The following ATP8A2 variants were observed in gnomAD, a reference collection of about 807,000 sequenced individuals.
ATP8A2 encodes the protein phospholipid-transporting ATPase IB.
Under a neutral mutation model 165.6 loss-of-function variants are expected in ATP8A2, and 100 were observed. That is an observed-to-expected ratio of 0.60 (90% CI 0.51 to 0.71). ATP8A2 has a LOEUF of 0.71. ATP8A2 is among the 30% of genes least tolerant of loss of function. ATP8A2 has a pLI of 0.00. For synonymous variants in ATP8A2, 543 were observed against 548.8 expected (o/e 0.99, Z 0.15); for missense variants, 1,227 against 1,479.5 (o/e 0.83, Z 2.80).
chr13:25,823,029 A>G (rs1334560307), intron 27 of ATP8A2, among the ~76,000 whole-genome samples: 1 of 152,218 alleles, frequency 6.6e-6, no homozygotes, highest in African/African-American at 2.4e-5. Context: ...ATAATTGCTG[A>G]TATTTAGGTG....
intron 35 of ATP8A2, among the ~76,000 whole-genome samples, chr13:25,999,284 A>T (rs911081951): frequency 3.9e-5 from 6 of 152,164 alleles, no homozygotes; most frequent in African/African-American, 1.4e-4. Context: ...CACTAGGCAC[A>T]GTGCTGCTTC....
At chr13:25,708,919 G>A (rs1330003198) in intron 25 of ATP8A2, among the ~76,000 whole-genome samples, 1 of 152,240 alleles carries the variant, frequency 6.6e-6, no homozygotes, top group Non-Finnish European at 1.5e-5. Flanking sequence ...TGAGTTTTAT[G>A]ATTGGTGATG....
intron 35 of ATP8A2, among the ~76,000 whole-genome samples, chr13:26,002,200 T>C (rs1293706838): frequency 6.6e-6 from 1 of 152,212 alleles, no homozygotes; most frequent in Non-Finnish European, 1.5e-5. Context: ...TATTATTGAC[T>C]ATAGTTACCC....
In ATP8A2 at chr13:25,444,944, A is replaced by G. The variant is rs534286232; in HGVS notation, c.77-24033A>G. 6.6e-5 allele frequency among the ~76,000 whole-genome samples: 10 copies of G among 152,272 alleles called. No individual in the cohort carries two copies. In the South Asian group the frequency reaches 1.9e-3, roughly 28 times the overall value. On this transcript the variant is annotated intron_variant, in intron 1 of 36. Transcript: ENST00000381655. ...TGAGCCACCACACCCGGCCCCGAGC[A>G]TCTTTTCATGTGTTTATTGGCCATT...
At chr13:25,849,735 C>G (rs1951960732) in intron 30 of ATP8A2, among the ~76,000 whole-genome samples, 2 of 152,158 alleles carry the variant, frequency 1.3e-5, no homozygotes, top group South Asian at 4.1e-4. Context: ...TCCTGAACCC[C>G]AACCAGATTT....
At chr13:25,488,532 G>A (rs539946156) in intron 2 of ATP8A2, among the ~76,000 whole-genome samples, 1 of 152,250 alleles carries the variant, frequency 6.6e-6, no homozygotes, top group South Asian at 2.1e-4. Flanking sequence ...CTTGAGCTCA[G>A]GAGTTTGAGA....
At chr13:25,623,490 T>G (rs942367695) in intron 24 of ATP8A2, among the ~76,000 whole-genome samples, 1 of 152,174 alleles carries the variant, frequency 6.6e-6, no homozygotes, top group African/African-American at 2.4e-5. Context: ...TTTTCCACCT[T>G]TTTTTGTGTG....
At chr13:25,662,948 C>A (rs1345100429) in intron 24 of ATP8A2, among the ~76,000 whole-genome samples, 2 of 152,144 alleles carry the variant, frequency 1.3e-5, no homozygotes, top group African/African-American at 4.8e-5. Flanking sequence ...GAAAGGGGTT[C>A]ATCTGGAACT....
At chr13:25,804,781 C>T (rs1316431846) in intron 27 of ATP8A2, among the ~76,000 whole-genome samples, 2 of 152,060 alleles carry the variant, frequency 1.3e-5, no homozygotes, top group Non-Finnish European at 2.9e-5. Flanking sequence ...CAACTTAGTG[C>T]GCAGAAAAAT....
At chr13:25,772,554 C>T (rs1444729010) in intron 26 of ATP8A2, among the ~76,000 whole-genome samples, 2 of 151,970 alleles carry the variant, frequency 1.3e-5, no homozygotes, top group Admixed American at 1.3e-4. Flanking sequence ...GCGTGGTGAG[C>T]CCCGCGCCTT....
Position 26,012,552 on chromosome 13 carries a change from G to T in ATP8A2, c.3399G>T (p.Leu1133=). 6.5e-7 allele frequency: 1 copy of T among 1,539,846 alleles called. No individual in the cohort carries two copies. Among genetic ancestry groups the T allele is most frequent in the Non-Finnish European group, 8.8e-7 (1 of 1,142,104 alleles). Residue 1133 remains leucine (L), a synonymous_variant, in exon 36 of 37, where the codon CTG becomes CTT. Transcript: ENST00000381655. ...NGKRLNERDR[L]IKRLGRKTPP... ...GCAGGCTGAACGAGCGCGACCGCCT[G>T]ATCAAGAGGCTGGGCCGGAAGACGC...
chr13:25,879,798 C>A (rs143055129), intron 33 of ATP8A2, among the ~76,000 whole-genome samples: 92 of 152,308 alleles, frequency 6.0e-4, no homozygotes, highest in African/African-American at 1.9e-3. Context: ...AGGAAAATGT[C>A]TTTTTCATTT....
chr13:25,779,018 C>G (rs1198681309), intron 27 of ATP8A2, among the ~76,000 whole-genome samples: 1 of 151,850 alleles, frequency 6.6e-6, no homozygotes, highest in African/African-American at 2.4e-5. Context: ...CAAGGCTGGG[C>G]ACTGGAACTG....
chr13:25,539,453 TA>T (rs1388236726), intron 7 of ATP8A2, among the ~76,000 whole-genome samples: 26 of 152,024 alleles, frequency 1.7e-4, no homozygotes, highest in Non-Finnish European at 1.5e-5. Flanking sequence ...CAGATTGCTT[TA>T]GCTGACATCA....
At chr13:25,910,257 G>A (rs926090885) in intron 33 of ATP8A2, among the ~76,000 whole-genome samples, 9 of 152,150 alleles carry the variant, frequency 5.9e-5, no homozygotes, top group African/African-American at 2.2e-4. Context: ...AATAATACTT[G>A]AATGGGTATA....
At chr13:25,915,156 A>T (rs1375683875) in intron 33 of ATP8A2, among the ~76,000 whole-genome samples, 1 of 152,212 alleles carries the variant, frequency 6.6e-6, no homozygotes, top group Non-Finnish European at 1.5e-5. Context: ...CAAAAACATG[A>T]AACATTTCTG....
intron 1 of ATP8A2, among the ~76,000 whole-genome samples, chr13:25,413,280 T>TTTTTTTTTTTTTTTTTTTTTTG (rs2034028597): frequency 1.7e-5 from 1 of 58,118 alleles, no homozygotes; most frequent in African/African-American, 1.6e-4. Flanking sequence ...TTTTCTTTGT[T>TTTTTTTTTTTTTTTTTTTTTTG]TTTTTTTTTT....
In ATP8A2 at chr13:25,543,327, A is replaced by G. The variant is rs2038541889; in HGVS notation, c.816A>G (p.Arg272=). Residue 272 remains arginine, a synonymous_variant, in exon 10 of 37, where the codon AGA becomes AGG. Transcript: ENST00000381655. ...TTGGGCCTGACCAGATCTTATTAAG[A>G]GGTACACAGCTTAGAAATACTCAGT... The part of the protein sequence containing the change: ...VALGPDQILL[R]GTQLRNTQWV... 1 of 1,612,602 alleles carries G rather than the reference A, an allele frequency of 6.2e-7. No homozygotes were observed. The highest frequency in any genetic ancestry group is 8.5e-7 in the Non-Finnish European group (1 of 1,179,010).
intron 2 of ATP8A2, among the ~76,000 whole-genome samples, chr13:25,499,452 T>C (rs1292724531): frequency 6.6e-6 from 1 of 152,048 alleles, no homozygotes; most frequent in African/African-American, 2.4e-5. Flanking sequence ...GTTTGGGGGG[T>C]TGAATCTTGG....
Sources: gnomAD v4.1 joint callset for allele counts (sites outside exome capture counted in the v4.1 genomes callset) on GRCh38, gnomAD v4.1.1 for gene constraint, MANE v1.5 for transcripts, NCBI Gene and HGNC (gene_info 2026-07-23, HGNC 2026-07-21) for gene names.